The following EFCAB6 variants were observed in gnomAD, a reference collection of about 807,000 sequenced individuals.
The protein encoded by EFCAB6 is EF-hand calcium-binding domain-containing protein 6.
In EFCAB6, 156 loss-of-function variants were observed where a neutral mutation model predicts 169.8. The observed-to-expected ratio is 0.92, with a 90% confidence interval of 0.81 to 1.05. The LOEUF (loss-of-function observed/expected upper bound fraction) is 1.05, where lower values mean the gene tolerates loss of function less well. Ranked by LOEUF, EFCAB6 falls within the 50% of genes least tolerant of loss-of-function variation. The pLI is 0.00. For missense variants in EFCAB6, 1,800 were observed against 1,829.1 expected (o/e 0.98, Z 0.29); for synonymous variants, 698 against 676.4 (o/e 1.03, Z -0.50).
chr22:43,576,604 C>T (rs1384667700), intron 25 of EFCAB6, 116 bp from the exon 26 acceptor site: 2 of 840,752 alleles, frequency 2.4e-6, no homozygotes, highest in Non-Finnish European at 1.7e-6. Flanking sequence ...TATAAAAGTA[C>T]CTTGTAAATT....
chr22:43,576,417 A>C lies in EFCAB6; in HGVS notation c.3300T>G (p.Asp1100Glu). 1 of 1,606,868 alleles carries C rather than the reference A, an allele frequency of 6.2e-7. No homozygotes were observed. Among genetic ancestry groups the C allele is most frequent in the East Asian group, 2.3e-5 (1 of 44,420 alleles). Reference sequence around the variant, plus strand: ...GATTGTCCGTTAGTTTGTAACAGAAATCCTTAAGAACTTGTCCGAATTCTG... The same window carrying C: ...GATTGTCCGTTAGTTTGTAACAGAACTCCTTAAGAACTTGTCCGAATTCTG... Reference protein sequence around the residue: ...KATEFGQVLKDFCYKLTDNQY... With the variant: ...KATEFGQVLKEFCYKLTDNQY... Residue 1100 changes from aspartate to glutamate, a missense_variant, in exon 26 of 32, where the codon GAT (aspartate) becomes GAG (glutamate). Transcript: ENST00000262726.
At chr22:43,793,621 C>T (rs554222881) in intron 2 of EFCAB6, among the ~76,000 whole-genome samples, 6 of 126,166 alleles carry the variant, frequency 4.8e-5, no homozygotes, top group African/African-American at 1.8e-4. Flanking sequence ...AAGGCATCCC[C>T]GCAGCATCTC....
chr22:43,691,150 A>T (rs949878861), intron 10 of EFCAB6, among the ~76,000 whole-genome samples: 1 of 152,158 alleles, frequency 6.6e-6, no homozygotes, highest in African/African-American at 2.4e-5. Flanking sequence ...GGCCACGTCT[A>T]AACAAGTAGA....
chr22:43,727,669 G>C (rs2147568252), intron 8 of EFCAB6, among the ~76,000 whole-genome samples: 1 of 152,230 alleles, frequency 6.6e-6, no homozygotes, highest in African/African-American at 2.4e-5. Flanking sequence ...TCCATACACT[G>C]CACATGAATT....
intron 3 of EFCAB6, among the ~76,000 whole-genome samples, chr22:43,778,521 T>C (rs1432740468): frequency 2.0e-5 from 3 of 152,100 alleles, no homozygotes; most frequent in African/African-American, 7.2e-5. Context: ...TGTTCCCAGG[T>C]GCAGAAAGCC....
At chr22:43,729,815 A>G (rs2059870750) in intron 8 of EFCAB6, among the ~76,000 whole-genome samples, 1 of 152,184 alleles carries the variant, frequency 6.6e-6, no homozygotes, top group Non-Finnish European at 1.5e-5. Context: ...AATAGGATAG[A>G]CCTTGGTGAA....
intron 5 of EFCAB6, among the ~76,000 whole-genome samples, chr22:43,763,566 G>A (rs962713903): frequency 6.6e-6 from 1 of 152,020 alleles, no homozygotes; most frequent in Non-Finnish European, 1.5e-5. Flanking sequence ...CGTCATAAAA[G>A]CCATGATACC....
chr22:43,578,398 T>C (rs2050401218), intron 25 of EFCAB6, among the ~76,000 whole-genome samples: 1 of 152,188 alleles, frequency 6.6e-6, no homozygotes, highest in Non-Finnish European at 1.5e-5. Context: ...TGAGTGGATC[T>C]TTCAGTCTGG....
intron 30 of EFCAB6, among the ~76,000 whole-genome samples, chr22:43,532,664 G>A (rs2047146590): frequency 6.6e-6 from 1 of 152,082 alleles, no homozygotes; most frequent in Admixed American, 6.5e-5. Context: ...GGCTAAGATG[G>A]AACCTGATTT....
intron 17 of EFCAB6, among the ~76,000 whole-genome samples, chr22:43,656,921 A>G (rs1464679668): frequency 1.3e-5 from 2 of 152,226 alleles, no homozygotes; most frequent in Non-Finnish European, 2.9e-5. Flanking sequence ...ATTAAGCCGC[A>G]TATGACTGAA....
chr22:43,711,630 T>A lies in EFCAB6; in HGVS notation c.883-7A>T. The A allele has an allele frequency of 6.3e-7, 1 of 1,576,482 alleles. No individual in the cohort carries two copies. The highest frequency in any genetic ancestry group is 8.5e-7 in the Non-Finnish European group (1 of 1,170,704). On this transcript the variant is annotated splice_region_variant and splice_polypyrimidine_tract_variant and intron_variant, in intron 9 of 31. Transcript: ENST00000262726. ...TTTCATAAGACTTCGAAAGCTGCAA[T>A]AAATTGAAATTAGAGTGTGGCGTTC...
intron 3 of EFCAB6, 100 bp downstream of exon 3, chr22:43,782,080 A>G: frequency 8.2e-7 from 1 of 1,219,824 alleles, no homozygotes; most frequent in Non-Finnish European, 1.1e-6. Context: ...TATTGTGAGG[A>G]TTAAATGTCA....
intron 10 of EFCAB6, among the ~76,000 whole-genome samples, chr22:43,697,591 A>G (rs529398499): frequency 6.6e-6 from 1 of 152,324 alleles, no homozygotes; most frequent in South Asian, 2.1e-4. Context: ...AAAATAAAAA[A>G]TCAGCAGGTA....
intron 26 of EFCAB6, among the ~76,000 whole-genome samples, chr22:43,576,078 TTAAAA>T (rs1220585708): frequency 1.3e-5 from 2 of 152,094 alleles, no homozygotes; most frequent in Admixed American, 6.6e-5. Context: ...TCTTTGAAAA[TTAAAA>T]TAAAATAAAA....
At chr22:43,587,941 C>T (rs117061707) in intron 24 of EFCAB6, among the ~76,000 whole-genome samples, 2,291 of 152,262 alleles carry the variant, frequency 0.015, 27 homozygotes, top group Middle Eastern at 0.037. Context: ...TACAGGGATA[C>T]ATAGTTGAAT....
chr22:43,691,591 A>T (rs780543270), intron 10 of EFCAB6, among the ~76,000 whole-genome samples: 12 of 152,214 alleles, frequency 7.9e-5, no homozygotes, highest in Non-Finnish European at 1.6e-4. Context: ...TACCTATTTA[A>T]TTACATCAAA....
chr22:43,639,250 A>G (rs866763727), intron 17 of EFCAB6, among the ~76,000 whole-genome samples: 17 of 152,316 alleles, frequency 1.1e-4, no homozygotes, highest in African/African-American at 4.1e-4. Flanking sequence ...TGGACAGCCA[A>G]GTCTTCCTAG....
chr22:43,740,008 G>GC (rs1205157943), intron 6 of EFCAB6, among the ~76,000 whole-genome samples: 1 of 140,974 alleles, frequency 7.1e-6, no homozygotes, highest in Non-Finnish European at 1.5e-5. Context: ...CCCTCCACCT[G>GC]CCCCCCACCT....
intron 17 of EFCAB6, among the ~76,000 whole-genome samples, chr22:43,644,883 C>T (rs1169065792): frequency 6.6e-6 from 1 of 152,212 alleles, no homozygotes; most frequent in East Asian, 1.9e-4. Context: ...TTTTGTATTA[C>T]TGTGAAAATA....
Sources: gnomAD v4.1 joint callset for allele counts (sites outside exome capture counted in the v4.1 genomes callset) on GRCh38, gnomAD v4.1.1 for gene constraint, MANE v1.5 for transcripts, NCBI Gene and HGNC (gene_info 2026-07-23, HGNC 2026-07-21) for gene names.